FGF14: variants seen among roughly 807,000 people sequenced by gnomAD.
The protein encoded by FGF14 is fibroblast growth factor homologous factor 4.
In FGF14, 5 loss-of-function variants were observed where a neutral mutation model predicts 25.5. That is an observed-to-expected ratio of 0.20 (90% CI 0.10 to 0.41). FGF14 has a LOEUF of 0.41. Among genes scored for constraint, FGF14 ranks in the 10% least tolerant of loss-of-function variants. FGF14 has a pLI of 1.00. For synonymous variants in FGF14, 138 were observed against 118.3 expected (o/e 1.17, Z -1.08); for missense variants, 222 against 320.1 (o/e 0.69, Z 2.34).
chr13:102,365,522 A>G (rs898522151), intron 1 of FGF14, among the ~76,000 whole-genome samples: 2 of 152,180 alleles, frequency 1.3e-5, no homozygotes, highest in African/African-American at 4.8e-5. Flanking sequence ...TTTTGTAATT[A>G]TATTTCCCCA....
Position 102,239,842 on chromosome 13 carries a change from T to C in FGF14, c.208+161629A>G, listed in dbSNP as rs564854231. On this transcript the variant is annotated intron_variant, in intron 1 of 4. Transcript: ENST00000376131. ...TTCCAAAAAGAGGACCAGAATGTCCTTTTTTAAACACAAAGTTTAAGAAAA... is the reference window on the plus strand; with the variant it reads ...TTCCAAAAAGAGGACCAGAATGTCCCTTTTTAAACACAAAGTTTAAGAAAA... Among the ~76,000 whole-genome samples, 38 of 152,304 alleles carry C rather than the reference T, an allele frequency of 2.5e-4. No homozygotes were observed. The South Asian group carries it at 7.9e-3, about 32-fold the overall frequency.
chr13:101,776,067 G>C (rs1407912756), intron 3 of FGF14, among the ~76,000 whole-genome samples: 1 of 152,048 alleles, frequency 6.6e-6, no homozygotes, highest in African/African-American at 2.4e-5. Context: ...TCTTATTCAC[G>C]TGGTGCGCTT....
Position 101,916,374 on chromosome 13 carries a change from G to A in FGF14, c.193+79C>T. 2.6e-6 allele frequency: 4 copies of A among 1,542,644 alleles called. No individual in the cohort carries two copies. In the South Asian group the frequency reaches 4.5e-5, roughly 17 times the overall value. On this transcript the variant is annotated intron_variant, in intron 1 of 4. Transcript: ENST00000376143. ...GGGTGGGCCGGGAAAACCGAGGGAGGGAAGGAGCCTGGAGAAGCTCCGTTT... is the reference window on the plus strand; with the variant it reads ...GGGTGGGCCGGGAAAACCGAGGGAGAGAAGGAGCCTGGAGAAGCTCCGTTT...
chr13:101,724,599 TA>T lies in FGF14; in HGVS notation c.608-1633del, dbSNP rs1209600456. Among the ~76,000 whole-genome samples, 4 of 5,252 alleles carry T rather than the reference TA, an allele frequency of 7.6e-4. No individual in the cohort carries two copies. The South Asian group carries it at 0.032, about 42-fold the overall frequency. 3.4% of individuals were successfully genotyped at this position (5,252 alleles called of 152,430 possible). A position where few individuals can be genotyped will look rare whatever the true frequency, so the allele number is the denominator to read the frequency against. The stretch of plus-strand genomic sequence containing the variant: ...TAGAACTTAAAGTATAATAATAAAA[TA>T]TATATATATATATATATATATATAT... On this transcript the variant is annotated intron_variant, in intron 4 of 4. Transcript: ENST00000376143.
At chr13:102,285,860 G>T (rs1950215189) in intron 1 of FGF14, among the ~76,000 whole-genome samples, 1 of 152,186 alleles carries the variant, frequency 6.6e-6, no homozygotes, top group South Asian at 2.1e-4. Context: ...AACACATGAA[G>T]TCAAGGCTGA....
At chr13:101,879,734 GTTCTC>G (rs1224617784) in intron 1 of FGF14, among the ~76,000 whole-genome samples, 2 of 147,492 alleles carry the variant, frequency 1.4e-5, no homozygotes, top group African/African-American at 5.1e-5. Flanking sequence ...TTAAACGTAA[GTTCTC>G]TTCTATTAGC....
intron 1 of FGF14, among the ~76,000 whole-genome samples, chr13:101,896,708 T>C (rs1322687): frequency 0.34 from 52,430 of 152,060 alleles, 10,107 homozygotes; most frequent in African/African-American, 0.49. Context: ...TGTACCTACA[T>C]GCACGCAGGC....
At chr13:102,078,354 A>G (rs1290817215) in intron 1 of FGF14, among the ~76,000 whole-genome samples, 1 of 152,218 alleles carries the variant, frequency 6.6e-6, no homozygotes, top group Non-Finnish European at 1.5e-5. Context: ...TCCACAATGT[A>G]TACATATTTC....
Position 101,925,647 on chromosome 13 carries a change from T to A in FGF14, c.209-50351A>T, listed in dbSNP as rs551608018. ...ATTAATGCCTTATTCCTGAGCCTAG[T>A]TTCTACTTTGTATGTAACTGCTAAA... is the stretch of plus-strand genomic sequence containing the variant. On this transcript the variant is annotated intron_variant, in intron 1 of 4. Coordinates refer to the FGF14 transcript ENST00000376131. Among the ~76,000 whole-genome samples the A allele has an allele frequency of 1.1e-4, 16 of 152,376 alleles. No homozygotes were observed. In the East Asian group the frequency reaches 3.1e-3, roughly 29 times the overall value.
At chr13:101,815,799 T>G (rs187473058) in intron 3 of FGF14, among the ~76,000 whole-genome samples, 19 of 152,030 alleles carry the variant, frequency 1.2e-4, no homozygotes, top group Non-Finnish European at 2.4e-4. Flanking sequence ...AGTGCCTGAT[T>G]AGGCAAAAGT....
intron 1 of FGF14, among the ~76,000 whole-genome samples, chr13:102,031,029 A>G (rs1017918762): frequency 6.6e-6 from 1 of 152,102 alleles, no homozygotes; most frequent in Admixed American, 6.6e-5. Flanking sequence ...ATAAGTCAAA[A>G]TAAAATTGGT....
At chr13:101,923,288 CA>C (rs2034136609) in intron 1 of FGF14, among the ~76,000 whole-genome samples, 1 of 152,032 alleles carries the variant, frequency 6.6e-6, no homozygotes, top group African/African-American at 2.4e-5. Flanking sequence ...GAAAGTCCAA[CA>C]TTATTTTTTC....
At chr13:102,134,903 G>A (rs1325541949) in intron 1 of FGF14, among the ~76,000 whole-genome samples, 1 of 152,032 alleles carries the variant, frequency 6.6e-6, no homozygotes, top group Non-Finnish European at 1.5e-5. Flanking sequence ...CTAAAAATCA[G>A]CCAGGTTCAG....
chr13:101,929,328 G>T (rs1030229214), intron 1 of FGF14, among the ~76,000 whole-genome samples: 4 of 152,138 alleles, frequency 2.6e-5, no homozygotes, highest in African/African-American at 9.7e-5. Context: ...AGTCAAGGTG[G>T]GTATGGGGAT....
intron 1 of FGF14, among the ~76,000 whole-genome samples, chr13:102,375,792 CA>C (rs2058026632): frequency 6.6e-6 from 1 of 152,108 alleles, no homozygotes; most frequent in African/African-American, 2.4e-5. Flanking sequence ...TTTGTTTTTC[CA>C]ATCTTGTTCC....
At chr13:102,050,293 T>C (rs1395700511) in intron 1 of FGF14, among the ~76,000 whole-genome samples, 1 of 152,170 alleles carries the variant, frequency 6.6e-6, no homozygotes, top group Non-Finnish European at 1.5e-5. Context: ...CTGTATCTTA[T>C]ACATAAAACC....
intron 1 of FGF14, among the ~76,000 whole-genome samples, chr13:101,912,095 G>T (rs2033003899): frequency 6.6e-6 from 1 of 151,744 alleles, no homozygotes; most frequent in African/African-American, 2.4e-5. Flanking sequence ...TAAGAAGGAA[G>T]GACACTTTTC....
chr13:102,266,787 G>T (rs1299592594), intron 1 of FGF14, among the ~76,000 whole-genome samples: 1 of 151,994 alleles, frequency 6.6e-6, no homozygotes, highest in Non-Finnish European at 1.5e-5. Flanking sequence ...ACTTGAGAAA[G>T]AAAAGAGTGG....
chr13:101,795,835 A>T (rs534308631), intron 3 of FGF14, among the ~76,000 whole-genome samples: 1 of 152,232 alleles, frequency 6.6e-6, no homozygotes, highest in Admixed American at 6.6e-5. Context: ...TTAATCCAAA[A>T]AGTTGGATTT....
Sources: gnomAD v4.1 joint callset for allele counts (sites outside exome capture counted in the v4.1 genomes callset) on GRCh38, gnomAD v4.1.1 for gene constraint, MANE v1.5 for transcripts, NCBI Gene and HGNC (gene_info 2026-07-23, HGNC 2026-07-21) for gene names.